Variants in FSD2 observed in about 807,000 individuals in gnomAD.
FSD2 encodes fibronectin type III and SPRY domain containing 2.
Under a neutral mutation model 80.4 loss-of-function variants are expected in FSD2, and 71 were observed. That is an observed-to-expected ratio of 0.88 (90% CI 0.73 to 1.08). The LOEUF is 1.08. Ranked by LOEUF, FSD2 falls within the 50% of genes least tolerant of loss-of-function variation. The pLI is 0.00. For synonymous variants in FSD2, 361 were observed against 329.5 expected, an observed-to-expected ratio of 1.10 and a Z score of -1.03; for missense variants, 923 against 913.8, an observed-to-expected ratio of 1.01 and a Z score of -0.13.
rs1176267357 is a variant in FSD2 at position 82,756,496 on chromosome 15, G to A, written c.*2852C>T. The A allele has an allele frequency of 6.6e-6, 1 of 152,314 alleles. No individual in the cohort carries two copies. The highest frequency in any genetic ancestry group is 2.4e-5 in the African/African-American group (1 of 41,568). The allele number at this position is 152,314 out of a possible 1,614,324, so 9.4% of individuals were successfully genotyped here. A position where few individuals can be genotyped will look rare whatever the true frequency, so the allele number is the denominator to read the frequency against. ...TATTGGATGTATACAAAGTGATTGT[G>A]TGTCATTTGAACCAGCAGGAAGTAA... On this transcript the variant is annotated 3_prime_UTR_variant, in exon 13 of 13. Transcript: ENST00000334574.
chr15:82,784,289 G>C (rs968995579), intron 3 of FSD2, among the ~76,000 whole-genome samples: 1 of 151,574 alleles, frequency 6.6e-6, no homozygotes, highest in Non-Finnish European at 1.5e-5. Context: ...TTGCCACCCA[G>C]GTTGGAGTGC....
At chr15:82,777,656 G>A (rs2151506384) in intron 6 of FSD2, among the ~76,000 whole-genome samples, 1 of 152,208 alleles carries the variant, frequency 6.6e-6, no homozygotes, top group African/African-American at 2.4e-5. Context: ...GACCAGCCTG[G>A]CCAACATGGT....
intron 4 of FSD2, 27 bp downstream of exon 4, chr15:82,782,764 GTTCA>G (rs1459477453): frequency 6.8e-7 from 1 of 1,472,946 alleles, no homozygotes; most frequent in Non-Finnish European, 9.4e-7. Flanking sequence ...TTTCCATTAT[GTTCA>G]TTATTTCATT....
intron 1 of FSD2, among the ~76,000 whole-genome samples, chr15:82,803,079 A>G (rs1484591523): frequency 6.6e-6 from 1 of 152,058 alleles, no homozygotes; most frequent in Non-Finnish European, 1.5e-5. Context: ...CTAAGGGATT[A>G]TTACCCCATC....
intron 7 of FSD2, 55 bp from the exon 8 acceptor site, chr15:82,769,939 A>G (rs1263030791): frequency 2.0e-5 from 32 of 1,602,766 alleles, no homozygotes; most frequent in Non-Finnish European, 2.6e-5. Context: ...AGTGGCTCCA[A>G]TTCATTATGC....
intron 1 of FSD2, among the ~76,000 whole-genome samples, chr15:82,798,499 T>C (rs1163633598): frequency 6.6e-6 from 1 of 152,186 alleles, no homozygotes; most frequent in Admixed American, 6.6e-5. Flanking sequence ...ATCTAATGTC[T>C]TTTTTTAAAA....
chr15:82,795,635 G>T (rs2050247035), intron 1 of FSD2, among the ~76,000 whole-genome samples: 1 of 152,072 alleles, frequency 6.6e-6, no homozygotes, highest in Non-Finnish European at 1.5e-5. Context: ...TTTGAGACCA[G>T]CCTGGGCAAT....
intron 1 of FSD2, among the ~76,000 whole-genome samples, chr15:82,804,176 T>C (rs190868313): frequency 1.8e-4 from 27 of 152,074 alleles, no homozygotes; most frequent in Admixed American, 4.6e-4. Flanking sequence ...GTGGGAATAT[T>C]TGTCCCTTGA....
At chr15:82,786,407 A>G in intron 3 of FSD2, 104 bp downstream of exon 3, 4 of 879,906 alleles carry the variant, frequency 4.5e-6, no homozygotes, top group Middle Eastern at 2.2e-4. Flanking sequence ...GACCCCTCAC[A>G]TTCTAAGAAA....
intron 6 of FSD2, among the ~76,000 whole-genome samples, chr15:82,772,792 C>G (rs1453861155): frequency 6.6e-6 from 1 of 152,220 alleles, no homozygotes; most frequent in Non-Finnish European, 1.5e-5. Context: ...CACCCCTATA[C>G]AGTCTCACAC....
At chr15:82,799,550 C>A (rs564149677) in intron 1 of FSD2, among the ~76,000 whole-genome samples, 1 of 152,310 alleles carries the variant, frequency 6.6e-6, no homozygotes, top group East Asian at 1.9e-4. Context: ...CTCAGAGGTG[C>A]AGCTGCTGTC....
chr15:82,774,287 G>C (rs2049660656), intron 6 of FSD2, among the ~76,000 whole-genome samples: 1 of 152,040 alleles, frequency 6.6e-6, no homozygotes, highest in Non-Finnish European at 1.5e-5. Flanking sequence ...TTTTGCCTAG[G>C]CTGGTCTTAA....
intron 12 of FSD2, among the ~76,000 whole-genome samples, chr15:82,761,338 G>A (rs557806993): frequency 6.6e-6 from 1 of 152,224 alleles, no homozygotes; most frequent in East Asian, 1.9e-4. Context: ...CATTGGCCTG[G>A]GCTTCGTGAG....
intron 4 of FSD2, among the ~76,000 whole-genome samples, chr15:82,782,177 C>T (rs1482298158): frequency 1.3e-5 from 2 of 150,880 alleles, no homozygotes; most frequent in Admixed American, 6.6e-5. Flanking sequence ...GGGCGGATCA[C>T]GAGTTCAGGA....
chr15:82,804,782 T>C (rs1022191594), intron 1 of FSD2, among the ~76,000 whole-genome samples: 1 of 152,204 alleles, frequency 6.6e-6, no homozygotes, highest in Non-Finnish European at 1.5e-5. Context: ...AAGCTGGCAC[T>C]TGCCCTTCGA....
At chr15:82,766,720 G>A (rs558265066) in intron 9 of FSD2, among the ~76,000 whole-genome samples, 97 of 144,472 alleles carry the variant, frequency 6.7e-4, no homozygotes, top group Non-Finnish European at 1.1e-3. Context: ...ACTCCTGGGC[G>A]ACAGAGTGAG....
intron 9 of FSD2, among the ~76,000 whole-genome samples, chr15:82,766,888 C>T (rs370637743): frequency 3.8e-4 from 58 of 152,214 alleles, no homozygotes; most frequent in African/African-American, 1.4e-3. Context: ...AATATAAGCT[C>T]ATAATTGCCA....
At chr15:82,762,454 C>T (rs1277454392) in intron 11 of FSD2, among the ~76,000 whole-genome samples, 176 bp from the exon 12 acceptor site, 1 of 152,102 alleles carries the variant, frequency 6.6e-6, no homozygotes, top group Non-Finnish European at 1.5e-5. Context: ...TGGGCTGATA[C>T]TGAAGATTTG....
chr15:82,788,376 C>T (rs889411061), intron 1 of FSD2, among the ~76,000 whole-genome samples: 1 of 149,678 alleles, frequency 6.7e-6, no homozygotes, highest in Non-Finnish European at 1.5e-5. Flanking sequence ...TAGTGGTGTG[C>T]ACGTGTGGTC....
Sources: gnomAD v4.1 joint callset for allele counts (sites outside exome capture counted in the v4.1 genomes callset) on GRCh38, gnomAD v4.1.1 for gene constraint, MANE v1.5 for transcripts, NCBI Gene and HGNC (gene_info 2026-07-23, HGNC 2026-07-21) for gene names.